Variants in ABHD18 observed in about 807,000 individuals in gnomAD.
ABHD18 encodes the protein cardiolipin-specific deacylase, mitochondrial.
ABHD18 carries 55 observed loss-of-function variants against 65.9 expected under a neutral mutation model. The ratio of observed to expected loss-of-function variants is 0.84; its 90% confidence interval spans 0.67 to 1.05. The LOEUF (loss-of-function observed/expected upper bound fraction) is 1.05. Ranked by LOEUF, ABHD18 falls within the 50% of genes least tolerant of loss-of-function variation. ABHD18 has a pLI of 0.00. For synonymous variants in ABHD18, 181 were observed against 180.2 expected, an observed-to-expected ratio of 1.00 and a Z score of -0.04; for missense variants, 533 against 558.5, an observed-to-expected ratio of 0.95 and a Z score of 0.46.
At chr4:128,025,149 T>C (rs1190319183) in intron 10 of ABHD18, among the ~76,000 whole-genome samples, 3 of 152,228 alleles carry the variant, frequency 2.0e-5, no homozygotes, top group Admixed American at 6.5e-5. Flanking sequence ...GTTTAGTGTT[T>C]CAGGGAATTT....
intron 12 of ABHD18, among the ~76,000 whole-genome samples, chr4:128,033,671 G>T (rs1758525584): frequency 6.6e-6 from 1 of 151,728 alleles, no homozygotes; most frequent in Non-Finnish European, 1.5e-5. Flanking sequence ...CAGTAGCTGG[G>T]ACTACAGGCG....
intron 11 of ABHD18, 70 bp downstream of exon 11, chr4:128,028,923 G>T: frequency 8.3e-7 from 1 of 1,198,990 alleles, no homozygotes; most frequent in Non-Finnish European, 1.1e-6. Context: ...TTTAAAAGAT[G>T]CTCTATAAGA....
chr4:127,970,589 C>CAAAAAA (rs375709595), intron 1 of ABHD18, among the ~76,000 whole-genome samples: 2 of 54,638 alleles, frequency 3.7e-5, no homozygotes, highest in Non-Finnish European at 7.6e-5. Context: ...AACTCTGTCT[C>CAAAAAA]AAAAAAAAAA....
intron 1 of ABHD18, among the ~76,000 whole-genome samples, chr4:127,974,667 T>A (rs1192561559): frequency 2.0e-5 from 3 of 151,688 alleles, no homozygotes; most frequent in Admixed American, 6.6e-5. Flanking sequence ...CCATGGCATC[T>A]GGCAAGTTCT....
intron 10 of ABHD18, among the ~76,000 whole-genome samples, chr4:128,022,852 C>A (rs1463159941): frequency 6.6e-6 from 1 of 151,526 alleles, no homozygotes; most frequent in Non-Finnish European, 1.5e-5. Context: ...CTCACTGCAA[C>A]CTCCGCATCC....
intron 1 of ABHD18, among the ~76,000 whole-genome samples, chr4:127,972,437 C>T (rs1201323274): frequency 2.0e-5 from 3 of 151,248 alleles, no homozygotes; most frequent in Non-Finnish European, 1.5e-5. Flanking sequence ...GCTTGTTTAG[C>T]ATAACAGACA....
chr4:127,996,912 A>G (rs1478798512), intron 4 of ABHD18, among the ~76,000 whole-genome samples: 1 of 152,226 alleles, frequency 6.6e-6, no homozygotes, highest in Non-Finnish European at 1.5e-5. Flanking sequence ...GTTCCCTGAA[A>G]ATCGCTGTTG....
At chr4:127,983,097 G>A in intron 2 of ABHD18, 50 bp downstream of exon 2, 1 of 1,288,674 alleles carries the variant, frequency 7.8e-7, no homozygotes, top group Non-Finnish European at 1.1e-6. Context: ...TTGTTTTAAT[G>A]AACATTTAAA....
At position 128,001,897 on chromosome 4, in the gene ABHD18, G is replaced by GA. The variant is rs573715632; in HGVS notation, c.279-7016dup. ...GCCACTCAGAAGACCCTTTCAGTTT[G>GA]AAAAAAACAGATAAATTTTCATCTA... On this transcript the variant is annotated intron_variant, in intron 4 of 12. Coordinates refer to ENST00000645843, the MANE Select transcript of ABHD18 (RefSeq NM_001358451.3). The GA allele has an allele frequency of 3.0e-4, 310 of 1,017,596 alleles. 1 individual carries two copies. The African/African-American group carries it at 4.5e-3, about 15-fold the overall frequency. The allele number at this position is 1,017,596 out of a possible 1,614,324, so 63.0% of individuals were successfully genotyped here. A position where few individuals can be genotyped will look rare whatever the true frequency, so the allele number is the denominator to read the frequency against.
chr4:128,035,445 T>C (rs1042215291), intron 12 of ABHD18, among the ~76,000 whole-genome samples: 2 of 152,064 alleles, frequency 1.3e-5, no homozygotes, highest in African/African-American at 4.8e-5. Flanking sequence ...AGGTGGTGCA[T>C]GCCTGTAATT....
chr4:127,984,113 ATTAC>A (rs1008855634), intron 2 of ABHD18, among the ~76,000 whole-genome samples: 1 of 152,124 alleles, frequency 6.6e-6, no homozygotes, highest in African/African-American at 2.4e-5. Flanking sequence ...GTATGTATTA[ATTAC>A]TTTCTGAACA....
chr4:128,004,626 G>C (rs1485617251), intron 4 of ABHD18, among the ~76,000 whole-genome samples: 1 of 151,832 alleles, frequency 6.6e-6, no homozygotes, highest in Non-Finnish European at 1.5e-5. Context: ...AATTATACGT[G>C]AGAGCCGGGC....
At position 128,001,797 on chromosome 4, in the gene ABHD18, G is replaced by T. The variant is rs772309564; in HGVS notation, c.279-7123G>T. 291 of 1,528,934 alleles carry T rather than the reference G, an allele frequency of 1.9e-4. 1 individual carries two copies. In the Middle Eastern group the frequency reaches 2.0e-3, roughly 11 times the overall value. The allele number at this position is 1,528,934 out of a possible 1,614,324, so 94.7% of individuals were successfully genotyped here. A position where few individuals can be genotyped will look rare whatever the true frequency, so the allele number is the denominator to read the frequency against. On this transcript the variant is annotated intron_variant, in intron 4 of 12. Coordinates refer to ENST00000645843, the MANE Select transcript of ABHD18 (RefSeq NM_001358451.3). ...GTTATTTCTCTCTAGAAACTTTTGT[G>T]GTCTTTTGTATATCCTTAGTGGTTA... is the stretch of plus-strand genomic sequence containing the variant.
chr4:128,018,063 C>T (rs929758457), intron 8 of ABHD18, among the ~76,000 whole-genome samples: 11 of 152,306 alleles, frequency 7.2e-5, no homozygotes, highest in East Asian at 5.8e-4. Context: ...AGCTGTGTCA[C>T]GTGCTAGCAT....
At chr4:127,969,204 CT>C (rs372720678) in intron 1 of ABHD18, among the ~76,000 whole-genome samples, 4,050 of 138,954 alleles carry the variant, frequency 0.029, 148 homozygotes, top group African/African-American at 0.097. Context: ...TTTCTTTTTT[CT>C]TTTTTTTTTT....
intron 8 of ABHD18, 70 bp from the exon 9 acceptor site, chr4:128,020,010 T>C (rs772877780): frequency 4.9e-6 from 5 of 1,029,116 alleles, no homozygotes; most frequent in Non-Finnish European, 7.1e-6. Flanking sequence ...GGAATGCTTA[T>C]TAATATTAAA....
At chr4:128,025,625 A>G (rs761997029) in intron 10 of ABHD18, among the ~76,000 whole-genome samples, 3 of 152,352 alleles carry the variant, frequency 2.0e-5, no homozygotes, top group Non-Finnish European at 4.4e-5. Flanking sequence ...TTCATGTTAT[A>G]TAAGTGTAAA....
At chr4:128,030,248 A>G (rs1356597414) in intron 11 of ABHD18, among the ~76,000 whole-genome samples, 2 of 152,176 alleles carry the variant, frequency 1.3e-5, no homozygotes, top group Non-Finnish European at 2.9e-5. Flanking sequence ...AAAATATCTC[A>G]TGTAACCCAT....
Position 127,989,767 on chromosome 4 carries a change from C to T in ABHD18, c.224C>T (p.Ser75Phe). ...AAGATCTTAGATGGACACTTTGTTT[C>T]CCCCATGGCTCACTATGTGCCTGAT... is the stretch of plus-strand genomic sequence containing the variant. ...DCKILDGHFV[S>F]PMAHYVPDIM... Residue 75 changes from serine (S) to phenylalanine (F), a missense_variant, in exon 4 of 13, where the codon TCC becomes TTC. By Grantham distance (155) the Ser-to-Phe change is radical. Coordinates refer to ENST00000645843, the MANE Select transcript of ABHD18 (RefSeq NM_001358451.3). 5.0e-6 allele frequency: 8 copies of T among 1,601,770 alleles called. No homozygotes were observed. Among genetic ancestry groups the T allele is most frequent in the Non-Finnish European group, 6.8e-6 (8 of 1,173,984 alleles).
Sources: gnomAD v4.1 joint callset for allele counts (sites outside exome capture counted in the v4.1 genomes callset) on GRCh38, gnomAD v4.1.1 for gene constraint, MANE v1.5 for transcripts, NCBI Gene and HGNC (gene_info 2026-07-23, HGNC 2026-07-21) for gene names.